The following ABL2 variants were observed in gnomAD, a reference collection of about 807,000 sequenced individuals.
The protein encoded by ABL2 is ABL proto-oncogene 2, non-receptor tyrosine kinase, also known as tyrosine-protein kinase ABL2.
A neutral mutation model predicts 107.7 loss-of-function variants in ABL2; 49 were observed. That is an observed-to-expected ratio of 0.45 (90% CI 0.36 to 0.58). The LOEUF is 0.58. Ranked by LOEUF, ABL2 falls within the 20% of genes least tolerant of loss-of-function variation. ABL2 has a pLI of 0.00. For synonymous variants in ABL2, 549 were observed against 548.6 expected (o/e 1.00, Z -0.01); for missense variants, 1,245 against 1,457.0 (o/e 0.85, Z 2.37).
chr1:179,218,914 A>T (rs1662725763), intron 1 of ABL2, among the ~76,000 whole-genome samples: 1 of 152,242 alleles, frequency 6.6e-6, no homozygotes, highest in Non-Finnish European at 1.5e-5. Context: ...AAGTAGCTAC[A>T]TATTTACCTC....
Position 179,149,670 on chromosome 1 carries a change from A to G in ABL2, c.158-16296T>C, listed in dbSNP as rs1019232526. Among the ~76,000 whole-genome samples the G allele has an allele frequency of 2.6e-5, 4 of 152,240 alleles. 1 individual carries two copies. Among genetic ancestry groups the G allele is most frequent in the Non-Finnish European group, 5.9e-5 (4 of 68,052 alleles). On this transcript the variant is annotated intron_variant, in intron 1 of 11. Transcript: ENST00000502732. ...TCCTAGGACCTTTAAGAGTTACACT[A>G]AATCTATTCCACTTATGCTCTATAA... is the stretch of plus-strand genomic sequence containing the variant.
At chr1:179,205,380 TAC>T (rs757173161) in intron 1 of ABL2, among the ~76,000 whole-genome samples, 2 of 152,158 alleles carry the variant, frequency 1.3e-5, no homozygotes, top group Non-Finnish European at 2.9e-5. Flanking sequence ...ATAACAAAAC[TAC>T]ACTTTCTCCA....
At chr1:179,210,177 A>G (rs1662184631) in intron 1 of ABL2, among the ~76,000 whole-genome samples, 1 of 152,216 alleles carries the variant, frequency 6.6e-6, no homozygotes, top group Non-Finnish European at 1.5e-5. Flanking sequence ...ATATGTTAAA[A>G]GCAAATACTT....
chr1:179,174,243 G>A (rs1192955556), intron 1 of ABL2, among the ~76,000 whole-genome samples: 8 of 151,432 alleles, frequency 5.3e-5, no homozygotes, highest in Non-Finnish European at 8.8e-5. Context: ...AGCCGAGATC[G>A]TGCCACTGCA....
chr1:179,122,810 C>T (rs1472427238), intron 4 of ABL2, among the ~76,000 whole-genome samples: 2 of 151,988 alleles, frequency 1.3e-5, no homozygotes, highest in Non-Finnish European at 1.5e-5. Flanking sequence ...TGCGCCATCA[C>T]GCCTGGCTAA....
intron 1 of ABL2, chr1:179,184,686 A>G: frequency 2.2e-6 from 1 of 462,228 alleles, no homozygotes; most frequent in Non-Finnish European, 4.0e-6. Context: ...GTGAAGGAGA[A>G]GATGACTAAT....
chr1:179,205,818 C>T (rs1487577901), intron 1 of ABL2, among the ~76,000 whole-genome samples: 1 of 152,090 alleles, frequency 6.6e-6, no homozygotes, highest in East Asian at 1.9e-4. Context: ...TGTAAGCAAA[C>T]AAGAACAGCC....
intron 1 of ABL2, among the ~76,000 whole-genome samples, chr1:179,214,012 G>A (rs531659082): frequency 2.0e-5 from 3 of 152,210 alleles, no homozygotes; most frequent in Non-Finnish European, 4.4e-5. Flanking sequence ...GTTATTAGAT[G>A]CAATACAAGT....
At chr1:179,123,553 A>G (rs1348011541) in intron 4 of ABL2, among the ~76,000 whole-genome samples, 1 of 152,212 alleles carries the variant, frequency 6.6e-6, no homozygotes, top group Admixed American at 6.5e-5. Context: ...CTTACAAAAT[A>G]GTTGTTAATT....
chr1:179,191,981 C>T (rs1163108998), intron 1 of ABL2, among the ~76,000 whole-genome samples: 1 of 152,160 alleles, frequency 6.6e-6, no homozygotes, highest in Non-Finnish European at 1.5e-5. Context: ...TTTATATTCT[C>T]TTTAAGAAAA....
At chr1:179,214,517 GACATAT>G (rs1175549533) in intron 1 of ABL2, among the ~76,000 whole-genome samples, 2 of 41,088 alleles carry the variant, frequency 4.9e-5, no homozygotes, top group African/African-American at 1.5e-4. Context: ...GTTTTAAAAT[GACATAT>G]ATATATATAT....
intron 1 of ABL2, among the ~76,000 whole-genome samples, chr1:179,143,348 AATAAAACAAT>A (rs1657759019): frequency 6.6e-6 from 1 of 152,226 alleles, no homozygotes; most frequent in Non-Finnish European, 1.5e-5. Flanking sequence ...ATAGCCTAAT[AATAAAACAAT>A]GTAGAAGTTA....
At chr1:179,145,508 AAGAATT>A (rs2102716832) in intron 1 of ABL2, among the ~76,000 whole-genome samples, 1 of 152,326 alleles carries the variant, frequency 6.6e-6, no homozygotes, top group Non-Finnish European at 1.5e-5. Context: ...ATTTTCAAAA[AAGAATT>A]AAGAAGATAA....
At chr1:179,130,379 C>T (rs1656173192) in intron 3 of ABL2, among the ~76,000 whole-genome samples, 1 of 152,242 alleles carries the variant, frequency 6.6e-6, no homozygotes, top group Non-Finnish European at 1.5e-5. Flanking sequence ...AGAACTTCAA[C>T]TAAATGTAAA....
chr1:179,147,202 A>AAAAAT (rs1658055618), intron 1 of ABL2, among the ~76,000 whole-genome samples: 3 of 146,466 alleles, frequency 2.0e-5, no homozygotes, highest in African/African-American at 7.6e-5. Context: ...AAAAAAAAAA[A>AAAAAT]AAAAAACCAA....
intron 1 of ABL2, among the ~76,000 whole-genome samples, chr1:179,215,539 G>A (rs1283009044): frequency 1.3e-5 from 2 of 152,014 alleles, no homozygotes; most frequent in East Asian, 1.9e-4. Context: ...TTCGAAACCA[G>A]CCTGGCTAAC....
At position 179,183,032 on chromosome 1, in the gene ABL2, T is replaced by C. The variant is rs117802588; in HGVS notation, c.157+46209A>G. The stretch of plus-strand genomic sequence containing the variant: ...TAGCTAAGTTTTTTGTTTTTGTTTT[T>C]GAGACAGTGTCTCACTCTGTCACCC... On this transcript the variant is annotated intron_variant, in intron 1 of 11. Transcript: ENST00000502732. Among the ~76,000 whole-genome samples the C allele has an allele frequency of 1.8e-3, 271 of 152,242 alleles. 9 individuals are homozygous for C. The East Asian group carries it at 0.035, about 20-fold the overall frequency.
intron 1 of ABL2, among the ~76,000 whole-genome samples, chr1:179,219,738 C>T (rs528492495): frequency 7.9e-5 from 12 of 152,298 alleles, no homozygotes; most frequent in African/African-American, 2.4e-4. Context: ...CCTTTTACTG[C>T]TTTCTGAAAG....
Position 179,121,803 on chromosome 1 carries a change from A to T in ABL2, c.752T>A (p.Val251Glu). The T allele has an allele frequency of 6.2e-7, 1 of 1,613,972 alleles. No homozygotes were observed. Among genetic ancestry groups the T allele is most frequent in the Non-Finnish European group, 8.5e-7 (1 of 1,179,986 alleles). The change falls in exon 5 of 12, where the codon GTG (valine) becomes GAG (glutamate). Residue 251 changes from valine to glutamate, a missense_variant. Coordinates refer to ENST00000502732, the MANE Select transcript of ABL2 (RefSeq NM_007314.4). ...LAELVHHHST[V>E]ADGLVTTLHY... Reference sequence around the variant, plus strand: ...TAATGTTGTCACCAGCCCATCAGCCACTGTGGAGTGATGGTGTACAAGCTC... The same window carrying T: ...TAATGTTGTCACCAGCCCATCAGCCTCTGTGGAGTGATGGTGTACAAGCTC...
Sources: allele counts gnomAD v4.1 joint callset (sites outside exome capture counted in the v4.1 genomes callset), GRCh38; gene constraint gnomAD v4.1.1; transcripts MANE v1.5; gene names NCBI Gene and HGNC (gene_info 2026-07-23, HGNC 2026-07-21).